Variants in SGCZ observed in about 807,000 individuals in gnomAD.
SGCZ encodes the protein zeta-sarcoglycan.
In SGCZ, 40 loss-of-function variants were observed where a neutral mutation model predicts 41.3. That is an observed-to-expected ratio of 0.97 (90% CI 0.75 to 1.26). The LOEUF (loss-of-function observed/expected upper bound fraction) is 1.26. Ranked by LOEUF, SGCZ falls within the 50% of genes most tolerant of loss-of-function variation. SGCZ has a pLI of 0.00. For synonymous variants in SGCZ, 206 were observed against 137.5 expected, an observed-to-expected ratio of 1.50 and a Z score of -3.49; for missense variants, 552 against 369.8, an observed-to-expected ratio of 1.49 and a Z score of -4.04.
intron 1 of SGCZ, among the ~76,000 whole-genome samples, chr8:14,846,569 T>C (rs774875883): frequency 6.6e-6 from 1 of 151,942 alleles, no homozygotes; most frequent in Non-Finnish European, 1.5e-5. Context: ...TGTTTGACAA[T>C]CTAGACCTAT....
chr8:15,047,764 A>T (rs1804364878), intron 1 of SGCZ, among the ~76,000 whole-genome samples: 1 of 152,050 alleles, frequency 6.6e-6, no homozygotes, highest in Non-Finnish European at 1.5e-5. Flanking sequence ...TTATAAATTT[A>T]CTTATACAAT....
intron 2 of SGCZ, among the ~76,000 whole-genome samples, chr8:14,431,448 C>G (rs1268085215): frequency 7.1e-6 from 1 of 141,424 alleles, no homozygotes; most frequent in Non-Finnish European, 1.6e-5. Flanking sequence ...GAGAAGACAC[C>G]CTATTCAACA....
intron 2 of SGCZ, among the ~76,000 whole-genome samples, chr8:14,542,021 C>T (rs1803485229): frequency 6.6e-6 from 1 of 151,964 alleles, no homozygotes; most frequent in South Asian, 2.1e-4. Context: ...CTTGTAGATT[C>T]TGGATATTAG....
chr8:14,183,588 A>G (rs928874654), intron 4 of SGCZ, among the ~76,000 whole-genome samples: 2 of 152,214 alleles, frequency 1.3e-5, no homozygotes, highest in Non-Finnish European at 2.9e-5. Context: ...GAGAGTTTGA[A>G]AGAGAACACG....
intron 3 of SGCZ, among the ~76,000 whole-genome samples, chr8:14,271,147 T>A (rs1179919199): frequency 6.6e-6 from 1 of 151,900 alleles, no homozygotes; most frequent in Non-Finnish European, 1.5e-5. Flanking sequence ...TGTATACATA[T>A]GTAACTAACC....
chr8:14,664,329 G>A (rs1205675136), intron 1 of SGCZ, among the ~76,000 whole-genome samples: 1 of 152,128 alleles, frequency 6.6e-6, no homozygotes, highest in Non-Finnish European at 1.5e-5. Flanking sequence ...CAGGTGGAAT[G>A]GGAATCTCTA....
chr8:14,161,838 C>T (rs7826581), intron 5 of SGCZ, among the ~76,000 whole-genome samples: 140,668 of 152,124 alleles, frequency 0.92, 65,972 homozygotes, highest in East Asian at 1. Flanking sequence ...GTGTGAAACA[C>T]ATATATGTAT....
intron 2 of SGCZ, among the ~76,000 whole-genome samples, chr8:14,447,780 T>C (rs1800475105): frequency 6.6e-6 from 1 of 152,184 alleles, no homozygotes; most frequent in Admixed American, 6.5e-5. Context: ...CGGCAATGCT[T>C]TGAAGTACAT....
At chr8:14,505,907 G>C (rs776902533) in intron 2 of SGCZ, among the ~76,000 whole-genome samples, 3 of 152,128 alleles carry the variant, frequency 2.0e-5, no homozygotes, top group Non-Finnish European at 2.9e-5. Context: ...CAGGTGATTC[G>C]AACGCAAGCT....
intron 1 of SGCZ, among the ~76,000 whole-genome samples, chr8:15,025,304 T>C (rs990919654): frequency 1.3e-5 from 2 of 152,124 alleles, no homozygotes; most frequent in African/African-American, 4.8e-5. Flanking sequence ...ATTTTTTTTC[T>C]AATTGAGACA....
Position 15,055,926 on chromosome 8 carries a change from C to A in SGCZ, c.39+181659G>T, listed in dbSNP as rs576497233. Among the ~76,000 whole-genome samples the A allele has an allele frequency of 2.6e-5, 4 of 152,328 alleles. No individual in the cohort carries two copies. In the East Asian group the frequency reaches 7.7e-4, roughly 29 times the overall value. On this transcript the variant is annotated intron_variant, in intron 1 of 7. Coordinates refer to ENST00000382080, the MANE Select transcript of SGCZ (RefSeq NM_139167.4). Reference sequence around the variant, plus strand: ...TCTTTTTCATCTAAAACCCTGCCATCCTTTATTTTTCCAACAACTAAACTT... The same window carrying A: ...TCTTTTTCATCTAAAACCCTGCCATACTTTATTTTTCCAACAACTAAACTT...
At chr8:14,255,280 C>T (rs1341042622) in intron 3 of SGCZ, among the ~76,000 whole-genome samples, 1 of 152,130 alleles carries the variant, frequency 6.6e-6, no homozygotes, top group African/African-American at 2.4e-5. Flanking sequence ...ATACTTTGAA[C>T]TCTTAGGTTG....
At chr8:14,488,210 A>T (rs1294972796) in intron 2 of SGCZ, among the ~76,000 whole-genome samples, 3 of 125,436 alleles carry the variant, frequency 2.4e-5, no homozygotes, top group African/African-American at 9.0e-5. Context: ...TAGTTTGATG[A>T]TATTATTAAT....
At chr8:15,040,524 G>C (rs767001547) in intron 1 of SGCZ, among the ~76,000 whole-genome samples, 2 of 152,144 alleles carry the variant, frequency 1.3e-5, no homozygotes, top group Non-Finnish European at 2.9e-5. Flanking sequence ...GGCTAAGGCA[G>C]GAGAATCGCT....
At chr8:15,036,538 C>A (rs951542084) in intron 1 of SGCZ, among the ~76,000 whole-genome samples, 1 of 151,870 alleles carries the variant, frequency 6.6e-6, no homozygotes, top group Non-Finnish European at 1.5e-5. Context: ...ACATTCATGT[C>A]CTACACGTGT....
intron 2 of SGCZ, among the ~76,000 whole-genome samples, chr8:14,397,796 T>C (rs1212260914): frequency 6.6e-6 from 1 of 152,102 alleles, no homozygotes; most frequent in Non-Finnish European, 1.5e-5. Flanking sequence ...CTTCATCCCC[T>C]TTTAGGGTAC....
chr8:14,101,983 C>T (rs915030076), intron 7 of SGCZ, among the ~76,000 whole-genome samples: 5 of 150,826 alleles, frequency 3.3e-5, no homozygotes, highest in Admixed American at 6.6e-5. Flanking sequence ...CCCATGGGTT[C>T]GTGAATGGGA....
At chr8:14,195,311 G>C (rs1363979939) in intron 4 of SGCZ, among the ~76,000 whole-genome samples, 6 of 152,060 alleles carry the variant, frequency 3.9e-5, no homozygotes. Context: ...GAAAAGGGTT[G>C]ACAGCAGATT....
At chr8:14,270,067 C>A (rs1800007828) in intron 3 of SGCZ, among the ~76,000 whole-genome samples, 2 of 152,052 alleles carry the variant, frequency 1.3e-5, no homozygotes, top group Admixed American at 6.6e-5. Context: ...TGTGGTGGTT[C>A]ACGCCTATAA....
Sources: allele counts gnomAD v4.1 joint callset (sites outside exome capture counted in the v4.1 genomes callset), GRCh38; gene constraint gnomAD v4.1.1; transcripts MANE v1.5; gene names NCBI Gene and HGNC (gene_info 2026-07-23, HGNC 2026-07-21).